The following LCA5L variants were observed in gnomAD, a reference collection of about 807,000 sequenced individuals.
The protein encoded by LCA5L is lebercilin-like protein.
Under a neutral mutation model 45.4 loss-of-function variants are expected in LCA5L, and 35 were observed. That is an observed-to-expected ratio of 0.77 (90% CI 0.59 to 1.02). The LOEUF is 1.02. Among genes scored for constraint, LCA5L ranks in the 50% least tolerant of loss-of-function variants. The pLI is 0.00. For missense variants in LCA5L, 668 were observed against 761.6 expected, an observed-to-expected ratio of 0.88 and a Z score of 1.45; for synonymous variants, 233 against 264.7, an observed-to-expected ratio of 0.88 and a Z score of 1.16.
intron 7 of LCA5L, among the ~76,000 whole-genome samples, chr21:39,420,504 C>T (rs1308184633): frequency 1.1e-5 from 1 of 88,934 alleles, no homozygotes; most frequent in African/African-American, 4.7e-5. Flanking sequence ...GCCTGGGTGA[C>T]AGAGCAAGAT....
chr21:39,439,190 C>T (rs987231296), intron 2 of LCA5L, among the ~76,000 whole-genome samples: 3 of 152,138 alleles, frequency 2.0e-5, no homozygotes, highest in Non-Finnish European at 4.4e-5. Context: ...GAAGACACGA[C>T]GCTGCTGGCT....
chr21:39,406,655 T>C (rs369539850), intron 10 of LCA5L, 43 bp from the exon 11 acceptor site: 32 of 1,435,868 alleles, frequency 2.2e-5, no homozygotes, highest in Non-Finnish European at 2.8e-5. Flanking sequence ...TTAAAATGAA[T>C]GGATCTCTAT....
Position 39,428,280 on chromosome 21 carries a change from G to T in LCA5L, c.214C>A (p.Leu72Ile), listed in dbSNP as rs984151042. The T allele has an allele frequency of 1.6e-5, 26 of 1,610,064 alleles. No homozygotes were observed. Among genetic ancestry groups the T allele is most frequent in the African/African-American group, 2.7e-5 (2 of 74,760 alleles). The change falls in exon 5 of 11, where the codon CTC becomes ATC. Residue 72 changes from leucine (L) to isoleucine (I), a missense_variant. Transcript: ENST00000288350. ...ATAGCCTTTTCTGAACAATCACAGA[G>T]AAAGTCTTCTGAATAATCATACTGA... ...SSQYDYSEDFLCDCSEKAINR... is the reference protein window; with the variant it reads ...SSQYDYSEDFICDCSEKAINR...
intron 8 of LCA5L, chr21:39,410,798 T>G (rs1486107493): frequency 2.1e-6 from 1 of 469,720 alleles, no homozygotes; most frequent in Non-Finnish European, 4.4e-6. Context: ...GGAAATTATA[T>G]CATTTAAACA....
intron 2 of LCA5L, chr21:39,443,382 G>C (rs2077062874): frequency 6.6e-6 from 1 of 152,312 alleles, no homozygotes; most frequent in Non-Finnish European, 1.5e-5. Context: ...ATACAGGAGA[G>C]GGAATGTATA....
Position 39,423,105 on chromosome 21 carries a change from C to T in LCA5L, c.708G>A (p.Leu236=), listed in dbSNP as rs145757018. 1,080 of 1,613,886 alleles carry T rather than the reference C, an allele frequency of 6.7e-4. No homozygotes were observed. Among genetic ancestry groups the T allele is most frequent in the Non-Finnish European group, 8.6e-4 (1,009 of 1,179,824 alleles). The change falls in exon 6 of 11, where the codon CTG becomes CTA. Residue 236 remains leucine (L), a synonymous_variant. Transcript: ENST00000288350. ...GTGCCTGCAAGATATCTTTAGTCTT[C>T]AGTAACTGGCTGTCAGTTTCTCTAA... ...RKLRETDSQL[L]KTKDILQALQ...
Position 39,423,304 on chromosome 21 carries a change from G to A in LCA5L, c.509C>T (p.Thr170Ile). Residue 170 changes from threonine (T) to isoleucine (I), a missense_variant, in exon 6 of 11, where the codon ACA (threonine) becomes ATA (isoleucine). Physicochemically the swap from Thr to Ile is moderately conservative, Grantham distance 89. Transcript: ENST00000288350. ...DMHHKLEAIL[T>I]ENQFLKQLQL... is the part of the protein sequence containing the mutation. ...AAGTTGTTTCAAAAATTGGTTTTCT[G>A]TAAGGATGGCTTCCAATTTATGATG... 6.2e-7 allele frequency: 1 copy of A among 1,610,506 alleles called. No homozygotes were observed. The highest frequency in any genetic ancestry group is 2.2e-5 in the East Asian group (1 of 44,860).
rs771824508 is a variant in LCA5L at position 39,420,732 on chromosome 21, C to T, written c.949G>A (p.Val317Ile). The change falls in exon 7 of 11, where the codon GTA (valine) becomes ATA (isoleucine). Residue 317 changes from valine to isoleucine, a missense_variant. Transcript: ENST00000288350. ...QTATKTLQVEVKHLQQKLKEK... is the reference protein window; with the variant it reads ...QTATKTLQVEIKHLQQKLKEK... The stretch of plus-strand genomic sequence containing the variant: ...TTAAGTTTTTGTTGAAGGTGTTTTA[C>T]TTCCACCTGCAGAGTCTTGGTAGCT... The T allele has an allele frequency of 8.7e-6, 14 of 1,612,330 alleles. No individual in the cohort carries two copies. Among genetic ancestry groups the T allele is most frequent in the Middle Eastern group, 1.6e-4 (1 of 6,074 alleles).
intron 3 of LCA5L, among the ~76,000 whole-genome samples, chr21:39,434,685 T>C (rs900999604): frequency 6.6e-6 from 1 of 152,102 alleles, no homozygotes; most frequent in Non-Finnish European, 1.5e-5. Context: ...GCCTGGCTAA[T>C]ATTTTTAGTT....
At chr21:39,413,819 T>C (rs1378948787) in intron 7 of LCA5L, 1 of 152,258 alleles carries the variant, frequency 6.6e-6, no homozygotes, top group Non-Finnish European at 1.5e-5. Flanking sequence ...GGGACACATT[T>C]TGATTACCTG....
chr21:39,420,918 C>T, intron 6 of LCA5L, 75 bp from the exon 7 acceptor site: 1 of 1,149,382 alleles, frequency 8.7e-7, no homozygotes, highest in Non-Finnish European at 1.3e-6. Context: ...ATGGAACTAA[C>T]TACATTTATG....
chr21:39,414,716 CT>C (rs1270539347), intron 7 of LCA5L, among the ~76,000 whole-genome samples: 3 of 104,468 alleles, frequency 2.9e-5, no homozygotes, highest in Admixed American at 1.0e-4. Context: ...TTCTCTCCCT[CT>C]CTCTCTCTCT....
chr21:39,433,144 C>T lies in LCA5L; in HGVS notation c.-92+2276G>A, dbSNP rs1320134845. On this transcript the variant is annotated intron_variant, in intron 3 of 10. Transcript: ENST00000288350. ...TTTGAAGAATGATCCTGGCCGGGCACGGTGGCTCATGCCTGTAATCCCAGC... is the reference window on the plus strand; with the variant it reads ...TTTGAAGAATGATCCTGGCCGGGCATGGTGGCTCATGCCTGTAATCCCAGC... 4.6e-5 allele frequency among the ~76,000 whole-genome samples: 7 copies of T among 152,236 alleles called. No individual in the cohort carries two copies. In the South Asian group the frequency reaches 6.2e-4, roughly 14 times the overall value.
intron 5 of LCA5L, among the ~76,000 whole-genome samples, chr21:39,426,351 G>A (rs1258869642): frequency 1.3e-5 from 2 of 152,110 alleles, no homozygotes; most frequent in African/African-American, 4.8e-5. Context: ...AATTCGAAAT[G>A]CAATTTCTCT....
At chr21:39,422,646 A>G (rs1244309177) in intron 6 of LCA5L, 1 of 409,316 alleles carries the variant, frequency 2.4e-6, no homozygotes, top group Non-Finnish European at 4.3e-6. Flanking sequence ...ACGTAACACA[A>G]TGCAATCTTT....
At chr21:39,438,977 A>G (rs2076548031) in intron 2 of LCA5L, 1 of 152,208 alleles carries the variant, frequency 6.6e-6, no homozygotes, top group African/African-American at 2.4e-5. Context: ...TCCATGTCCT[A>G]ATCCCTAGAA....
chr21:39,407,250 A>G (rs2039230487), intron 10 of LCA5L, among the ~76,000 whole-genome samples: 1 of 152,174 alleles, frequency 6.6e-6, no homozygotes, highest in African/African-American at 2.4e-5. Flanking sequence ...AAAACAGAAC[A>G]GAAGAACAGA....
chr21:39,414,738 C>CTGTGTGTGTGTGTGTG lies in LCA5L; in HGVS notation c.976-2937_976-2936insCACACACACACACACA, dbSNP rs763309098. Among the ~76,000 whole-genome samples the CTGTGTGTGTGTGTGTG allele has an allele frequency of 2.9e-3, 309 of 107,308 alleles. 4 individuals are homozygous for CTGTGTGTGTGTGTGTG. The highest frequency in any genetic ancestry group is 6.8e-3 in the African/African-American group (175 of 25,604). The allele number at this position is 107,308 out of a possible 152,430, so 70.4% of individuals were successfully genotyped here. A position where few individuals can be genotyped will look rare whatever the true frequency, so the allele number is the denominator to read the frequency against. On this transcript the variant is annotated intron_variant, in intron 7 of 10. Transcript: ENST00000288350. ...CCTCTCTCTCTCTCTCTCTCTCTCT[C>CTGTGTGTGTGTGTGTG]TCTCTGTGTGTGTGTGTGTGTGTGT...
chr21:39,414,734 C>CTGTGTGTGTGTGTGTGTGTGTG (rs1446676855), intron 7 of LCA5L, among the ~76,000 whole-genome samples: 13 of 103,260 alleles, frequency 1.3e-4, no homozygotes, highest in African/African-American at 5.3e-4. Context: ...CTCTCTCTCT[C>CTGTGTGTGTGTGTGTGTGTGTG]TCTCTCTCTG....
Sources: allele counts gnomAD v4.1 joint callset (sites outside exome capture counted in the v4.1 genomes callset), GRCh38; gene constraint gnomAD v4.1.1; transcripts MANE v1.5; gene names NCBI Gene and HGNC (gene_info 2026-07-23, HGNC 2026-07-21).